The following BLTP2 variants were observed in gnomAD, a reference collection of about 807,000 sequenced individuals.
BLTP2 encodes U937-associated antigen.
At chr17:28,643,588 A>G in the BLTP2 span, 1 of 1,607,294 alleles carries the variant, frequency 6.2e-7, no homozygotes. Flanking sequence ...CTAGGGGAGA[A>G]GTGAGAATAT....
At chr17:28,621,085 A>G in the BLTP2 span, 58 of 1,614,112 alleles carry the variant, frequency 3.6e-5, no homozygotes, top group Non-Finnish European at 4.7e-5. Flanking sequence ...CATGGCTGTA[A>G]CTAATATAGT....
At chr17:28,617,584 GA>G in the BLTP2 span, among the ~76,000 whole-genome samples, 1 of 152,154 alleles carries the variant, frequency 6.6e-6, no homozygotes, top group African/African-American at 2.4e-5. Flanking sequence ...TCTGGTAGGA[GA>G]AAGTAATAAA....
chr17:28,629,076 C>T, the BLTP2 span, among the ~76,000 whole-genome samples: 1 of 152,006 alleles, frequency 6.6e-6, no homozygotes, highest in Non-Finnish European at 1.5e-5. Context: ...TTTCAGAGTT[C>T]CTCTAAAATT....
At chr17:28,630,242 G>A in the BLTP2 span, among the ~76,000 whole-genome samples, 16 of 151,782 alleles carry the variant, frequency 1.1e-4, no homozygotes, top group Admixed American at 7.2e-4. Flanking sequence ...CTGCAGCCTC[G>A]ATTTCCCAGA....
chr17:28,634,088 T>C, the BLTP2 span: 1 of 1,613,844 alleles, frequency 6.2e-7, no homozygotes. Context: ...TGATCCGAAC[T>C]GTTACCAGAG....
At chr17:28,643,222 G>C in the BLTP2 span, 1 of 1,614,156 alleles carries the variant, frequency 6.2e-7, no homozygotes, top group Non-Finnish European at 8.5e-7. Flanking sequence ...ATCCACCCCA[G>C]CGCTCTGGGA....
chr17:28,617,503 G>A, the BLTP2 span: 1 of 515,810 alleles, frequency 1.9e-6, no homozygotes, highest in South Asian at 3.1e-5. Context: ...TATTGTCCAG[G>A]ACACTAAATG....
At chr17:28,626,381 A>G in the BLTP2 span, among the ~76,000 whole-genome samples, 2 of 152,168 alleles carry the variant, frequency 1.3e-5, no homozygotes, top group African/African-American at 2.4e-5. Context: ...TGATACTGTG[A>G]AATATATATT....
the BLTP2 span, chr17:28,643,459 A>G: frequency 3.0e-6 from 4 of 1,342,086 alleles, no homozygotes; most frequent in South Asian, 5.0e-5. Context: ...TATCTTCCTC[A>G]CAACACAATG....
the BLTP2 span, among the ~76,000 whole-genome samples, chr17:28,622,426 G>A: frequency 6.6e-6 from 1 of 152,144 alleles, no homozygotes; most frequent in African/African-American, 2.4e-5. Context: ...CCAGGGAGGT[G>A]AAAAGAGGGA....
At chr17:28,631,541 T>G in the BLTP2 span, 13 of 1,614,092 alleles carry the variant, frequency 8.1e-6, no homozygotes, top group Non-Finnish European at 1.1e-5. Context: ...AGCAGGTGGG[T>G]CTTTGTTACC....
At chr17:28,638,159 G>C in the BLTP2 span, 11 of 1,598,192 alleles carry the variant, frequency 6.9e-6, no homozygotes, top group African/African-American at 1.3e-5. Flanking sequence ...ATGCCCTAAT[G>C]CACTTCCTGC....
At chr17:28,634,981 T>C in the BLTP2 span, 1 of 1,613,570 alleles carries the variant, frequency 6.2e-7, no homozygotes, top group Non-Finnish European at 8.5e-7. Context: ...TAAGAGTAGA[T>C]CAGGTGGGAG....
At chr17:28,621,263 C>T in the BLTP2 span, 1 of 1,465,130 alleles carries the variant, frequency 6.8e-7, no homozygotes. Flanking sequence ...TCCAGAAACA[C>T]TGCTTTCAAC....
chr17:28,624,377 C>T, the BLTP2 span: 1 of 1,612,978 alleles, frequency 6.2e-7, no homozygotes, highest in Non-Finnish European at 8.5e-7. Context: ...TTAGCTTCTG[C>T]AACATGTAAG....
the BLTP2 span, chr17:28,633,314 C>T: frequency 6.2e-7 from 1 of 1,613,894 alleles, no homozygotes; most frequent in Admixed American, 1.7e-5. Flanking sequence ...ATATCCAAGT[C>T]ACCCTTGAAC....
the BLTP2 span, chr17:28,643,668 G>A: frequency 6.2e-7 from 1 of 1,613,818 alleles, no homozygotes; most frequent in Non-Finnish European, 8.5e-7. Flanking sequence ...TCCTAAAACA[G>A]TGAGGGAGAA....
At chr17:28,622,472 A>T in the BLTP2 span, among the ~76,000 whole-genome samples, 1 of 152,296 alleles carries the variant, frequency 6.6e-6, no homozygotes, top group East Asian at 1.9e-4. Flanking sequence ...CTGCAAATGG[A>T]CTTATCACTG....
the BLTP2 span, chr17:28,640,317 T>TGGGAGGCAGAGGTTGTG: frequency 3.9e-6 from 2 of 507,326 alleles, no homozygotes; most frequent in South Asian, 2.1e-5. Flanking sequence ...CGCTTGAACC[T>TGGGAGGCAGAGGTTGTG]GGGAGGCAGA....
Sources: gnomAD v4.1 joint callset for allele counts (sites outside exome capture counted in the v4.1 genomes callset) on GRCh38, gnomAD v4.1.1 for gene constraint, MANE v1.5 for transcripts, NCBI Gene and HGNC (gene_info 2026-07-23, HGNC 2026-07-21) for gene names.